The following LMTK2 variants were observed in gnomAD, a reference collection of about 807,000 sequenced individuals.
LMTK2 encodes serine/threonine-protein kinase LMTK2.
In LMTK2, 37 loss-of-function variants were observed where a neutral mutation model predicts 127.5. The observed-to-expected ratio is 0.29, with a 90% CI of 0.22 to 0.38. The LOEUF (loss-of-function observed/expected upper bound fraction) is 0.38. LMTK2 is among the 10% of genes least tolerant of loss of function. The probability of loss-of-function intolerance (pLI) is 1.00; values close to 1 mark genes in which losing one functional copy is unlikely to be tolerated. For missense variants in LMTK2, 1,694 were observed against 1,920.3 expected (o/e 0.88, Z 2.20); for synonymous variants, 819 against 810.1 (o/e 1.01, Z -0.19).
chr7:98,120,376 A>G (rs999144299), intron 1 of LMTK2, among the ~76,000 whole-genome samples: 17 of 152,146 alleles, frequency 1.1e-4, no homozygotes, highest in Admixed American at 1.1e-3. Flanking sequence ...TATAATTGCA[A>G]CCTTTAATTA....
At chr7:98,145,012 T>C (rs1176640536) in intron 3 of LMTK2, among the ~76,000 whole-genome samples, 3 of 152,220 alleles carry the variant, frequency 2.0e-5, no homozygotes, top group African/African-American at 7.2e-5. Context: ...TGTACTGGTA[T>C]CCGTAGAATA....
At chr7:98,191,543 C>A in intron 10 of LMTK2, 71 bp from the exon 11 acceptor site, 1 of 1,272,786 alleles carries the variant, frequency 7.9e-7, no homozygotes, top group Non-Finnish European at 1.1e-6. Context: ...CAGAGCAAGA[C>A]TCCGTCTCGA....
intron 11 of LMTK2, among the ~76,000 whole-genome samples, chr7:98,196,349 G>A (rs1342192087): frequency 3.3e-5 from 5 of 152,294 alleles, no homozygotes; most frequent in Admixed American, 6.5e-5. Flanking sequence ...GAGAAAACAC[G>A]CTGCCGTTTT....
At chr7:98,117,394 TATGTC>T (rs1796302356) in intron 1 of LMTK2, among the ~76,000 whole-genome samples, 1 of 152,212 alleles carries the variant, frequency 6.6e-6, no homozygotes, top group Non-Finnish European at 1.5e-5. Flanking sequence ...AGCATTTACT[TATGTC>T]AGTGTGGATG....
intron 1 of LMTK2, among the ~76,000 whole-genome samples, chr7:98,125,171 C>T (rs1050324909): frequency 2.0e-5 from 3 of 151,602 alleles, no homozygotes; most frequent in East Asian, 3.9e-4. Flanking sequence ...GGTGTGGTGG[C>T]GGGCGCCTGT....
intron 6 of LMTK2, among the ~76,000 whole-genome samples, chr7:98,162,922 GCT>G (rs1407837006): frequency 6.6e-6 from 1 of 152,176 alleles, no homozygotes; most frequent in Non-Finnish European, 1.5e-5. Flanking sequence ...AACCAAATCT[GCT>G]CTCTCTGTGC....
chr7:98,203,054 G>A (rs185689192), intron 11 of LMTK2, among the ~76,000 whole-genome samples: 6 of 152,310 alleles, frequency 3.9e-5, no homozygotes, highest in Admixed American at 2.0e-4. Context: ...CAGGATTATA[G>A]GCAGCTGTTG....
intron 1 of LMTK2, among the ~76,000 whole-genome samples, chr7:98,129,523 C>T (rs1282141731): frequency 6.6e-6 from 1 of 152,006 alleles, no homozygotes; most frequent in African/African-American, 2.4e-5. Flanking sequence ...TGTCACCGTA[C>T]CTGGCTGATT....
chr7:98,188,781 A>C (rs952369008), intron 9 of LMTK2, among the ~76,000 whole-genome samples: 1 of 152,146 alleles, frequency 6.6e-6, no homozygotes, highest in Non-Finnish European at 1.5e-5. Flanking sequence ...TGTGCCTCTG[A>C]AATGACCTTT....
chr7:98,129,735 G>A (rs1461861177), intron 1 of LMTK2, among the ~76,000 whole-genome samples: 3 of 150,204 alleles, frequency 2.0e-5, no homozygotes, highest in Non-Finnish European at 2.9e-5. Flanking sequence ...TTCCTGTTTC[G>A]TTCCCTTGCT....
chr7:98,108,247 G>T (rs917657055), intron 1 of LMTK2, among the ~76,000 whole-genome samples: 1 of 152,148 alleles, frequency 6.6e-6, no homozygotes, highest in South Asian at 2.1e-4. Flanking sequence ...TTCGTTGTAG[G>T]CAGAGCCCCA....
chr7:98,130,478 C>CCTAG (rs968444398), intron 1 of LMTK2, among the ~76,000 whole-genome samples: 2 of 152,094 alleles, frequency 1.3e-5, no homozygotes, highest in Non-Finnish European at 2.9e-5. Context: ...AAGCATCTGT[C>CCTAG]CTAGAGATGG....
At chr7:98,152,074 T>G (rs1796866456) in intron 4 of LMTK2, among the ~76,000 whole-genome samples, 1 of 152,234 alleles carries the variant, frequency 6.6e-6, no homozygotes, top group African/African-American at 2.4e-5. Context: ...CAGCTTTGTA[T>G]CCTTCTCAGG....
chr7:98,108,927 A>C (rs538680441), intron 1 of LMTK2, among the ~76,000 whole-genome samples: 2 of 137,720 alleles, frequency 1.5e-5, no homozygotes, highest in African/African-American at 5.5e-5. Flanking sequence ...CATCGGTGCG[A>C]TATCAGCTGA....
At chr7:98,147,490 G>T (rs1406727378) in intron 3 of LMTK2, among the ~76,000 whole-genome samples, 1 of 152,188 alleles carries the variant, frequency 6.6e-6, no homozygotes, top group Non-Finnish European at 1.5e-5. Context: ...CTCCCAAAGT[G>T]TTGGGATTAC....
At chr7:98,107,878 G>A (rs1796138938) in intron 1 of LMTK2, among the ~76,000 whole-genome samples, 1 of 152,112 alleles carries the variant, frequency 6.6e-6, no homozygotes, top group Non-Finnish European at 1.5e-5. Flanking sequence ...TGACAAACTG[G>A]CTTAAGGGTG....
chr7:98,154,931 C>A, intron 5 of LMTK2, 55 bp downstream of exon 5: 1 of 1,045,646 alleles, frequency 9.6e-7, no homozygotes, highest in South Asian at 1.3e-5. Context: ...TGTTGAAGGT[C>A]AGGTGTTTAA....
chr7:98,170,986 G>A (rs796562736), intron 6 of LMTK2, among the ~76,000 whole-genome samples: 3 of 152,194 alleles, frequency 2.0e-5, no homozygotes, highest in African/African-American at 4.8e-5. Flanking sequence ...TCTCTTCACC[G>A]TCTCAGGATA....
intron 11 of LMTK2, among the ~76,000 whole-genome samples, chr7:98,200,674 C>T (rs567942842): frequency 6.6e-6 from 1 of 152,152 alleles, no homozygotes; most frequent in African/African-American, 2.4e-5. Flanking sequence ...AGAGGCTGCC[C>T]AAGTGCTTTA....
Sources: gnomAD v4.1 joint callset for allele counts (sites outside exome capture counted in the v4.1 genomes callset) on GRCh38, gnomAD v4.1.1 for gene constraint, MANE v1.5 for transcripts, NCBI Gene and HGNC (gene_info 2026-07-23, HGNC 2026-07-21) for gene names.